Variants in EPSTI1 observed in about 807,000 individuals in gnomAD.
EPSTI1 encodes epithelial-stromal interaction protein 1.
In EPSTI1, 66 loss-of-function variants were observed where a neutral mutation model predicts 49.9. The observed-to-expected ratio is 1.32, with a 90% confidence interval of 1.08 to 1.62. EPSTI1 has a LOEUF of 1.62. Ranked by LOEUF, EPSTI1 falls within the 40% of genes most tolerant of loss-of-function variation. The pLI, the probability that EPSTI1 is intolerant of heterozygous loss-of-function variation, is 0.00. For synonymous variants in EPSTI1, 137 were observed against 130.7 expected, an observed-to-expected ratio of 1.05 and a Z score of -0.33; for missense variants, 394 against 365.5, an observed-to-expected ratio of 1.08 and a Z score of -0.64.
Position 42,949,986 on chromosome 13 carries a change from G to A in EPSTI1, c.563+3962C>T, listed in dbSNP as rs533042880. On this transcript the variant is annotated intron_variant, in intron 6 of 10. Transcript: ENST00000313624. ...AAAGGCTTATCAACTGTTACTTCAC[G>A]TCTTCCATCTAATAGAAAAGTCCAC... Among the ~76,000 whole-genome samples, 239 of 152,084 alleles carry A rather than the reference G, an allele frequency of 1.6e-3. 1 individual carries two copies. The highest frequency in any genetic ancestry group is 3.4e-3 in the Middle Eastern group (1 of 294).
intron 6 of EPSTI1, among the ~76,000 whole-genome samples, chr13:42,942,978 G>A (rs1053802072): frequency 6.6e-6 from 1 of 152,084 alleles, no homozygotes; most frequent in African/African-American, 2.4e-5. Flanking sequence ...GTGAGCCACC[G>A]CGCCCAGCCC....
chr13:42,917,298 A>G (rs1282985345), intron 8 of EPSTI1, among the ~76,000 whole-genome samples: 1 of 152,132 alleles, frequency 6.6e-6, no homozygotes, highest in Non-Finnish European at 1.5e-5. Context: ...TTGGTGACCT[A>G]CTGGCACCAA....
At chr13:42,931,760 T>C (rs1258664750) in intron 6 of EPSTI1, among the ~76,000 whole-genome samples, 1 of 152,202 alleles carries the variant, frequency 6.6e-6, no homozygotes, top group African/African-American at 2.4e-5. Context: ...TATAAATATA[T>C]ATCTTATTCC....
intron 8 of EPSTI1, among the ~76,000 whole-genome samples, chr13:42,912,224 A>G (rs2037707908): frequency 6.6e-6 from 1 of 152,244 alleles, no homozygotes; most frequent in African/African-American, 2.4e-5. Context: ...ATTGGAGCTA[A>G]GTCCACCTGC....
intron 8 of EPSTI1, among the ~76,000 whole-genome samples, chr13:42,906,256 C>T (rs2037495901): frequency 6.7e-6 from 1 of 150,020 alleles, no homozygotes. Context: ...CCCTGTTCTA[C>T]AGAAGGGTCA....
At chr13:42,911,048 C>T (rs956296133) in intron 8 of EPSTI1, among the ~76,000 whole-genome samples, 1 of 152,188 alleles carries the variant, frequency 6.6e-6, no homozygotes, top group Admixed American at 6.5e-5. Context: ...CATGACCTAT[C>T]CTATTGCAGT....
At chr13:42,946,866 C>T (rs890739814) in intron 6 of EPSTI1, among the ~76,000 whole-genome samples, 1 of 152,204 alleles carries the variant, frequency 6.6e-6, no homozygotes, top group Admixed American at 6.5e-5. Flanking sequence ...GGGTTACATG[C>T]TCCTTATGAG....
intron 8 of EPSTI1, among the ~76,000 whole-genome samples, chr13:42,908,568 C>G (rs1430845903): frequency 1.3e-5 from 2 of 149,484 alleles, no homozygotes; most frequent in Non-Finnish European, 3.0e-5. Context: ...TTGGATAAGA[C>G]TTTAAAAGGA....
chr13:42,893,303 G>C (rs2037092836), intron 10 of EPSTI1, among the ~76,000 whole-genome samples: 1 of 152,144 alleles, frequency 6.6e-6, no homozygotes, highest in African/African-American at 2.4e-5. Flanking sequence ...AGAGGAGAGA[G>C]TATTATTAGA....
Position 42,989,152 on chromosome 13 carries a change from C to A in EPSTI1, c.188+2826G>T, listed in dbSNP as rs998886786. ...CTGAGGTTACAGGCACAAGCCCCTGCGCCCGACCACAAGTAGGTGTTTTAA... is the reference window on the plus strand; with the variant it reads ...CTGAGGTTACAGGCACAAGCCCCTGAGCCCGACCACAAGTAGGTGTTTTAA... On this transcript the variant is annotated intron_variant, in intron 1 of 10. Transcript: ENST00000313624. 7.7e-4 allele frequency among the ~76,000 whole-genome samples: 116 copies of A among 150,952 alleles called. 1 individual carries two copies. Among genetic ancestry groups the A allele is most frequent in the Non-Finnish European group, 2.4e-4 (16 of 67,922 alleles).
intron 9 of EPSTI1, among the ~76,000 whole-genome samples, chr13:42,896,926 C>A (rs112793457): frequency 0.062 from 9,463 of 152,038 alleles, 370 homozygotes; most frequent in South Asian, 0.088. Flanking sequence ...CTGGCAAAAC[C>A]TCATCTCTAC....
intron 6 of EPSTI1, among the ~76,000 whole-genome samples, chr13:42,932,504 C>G (rs1340706236): frequency 1.3e-5 from 2 of 152,042 alleles, no homozygotes; most frequent in African/African-American, 4.8e-5. Flanking sequence ...GCCTTCCAAA[C>G]CTTTCCAAGG....
At position 42,992,040 on chromosome 13, in the gene EPSTI1, C is replaced by G; in HGVS notation, c.126G>C (p.Glu42Asp). The G allele has an allele frequency of 1.2e-6, 2 of 1,613,530 alleles. No homozygotes were observed. The highest frequency in any genetic ancestry group is 1.6e-4 in the Middle Eastern group (1 of 6,062). ...GELSPVEDQREGLEAAPKGPS... is the reference protein window; with the variant it reads ...GELSPVEDQRDGLEAAPKGPS... ...GGCCCTTAGGGGCTGCCTCCAAACC[C>G]TCTCTCTGGTCTTCCACGGGGCTCA... Residue 42 changes from glutamate to aspartate, a missense_variant, in exon 1 of 11, where the codon GAG (glutamate) becomes GAC (aspartate). By Grantham distance (45) the Glu-to-Asp change is conservative (BLOSUM62 2). Coordinates refer to ENST00000313624, the MANE Select transcript of EPSTI1 (RefSeq NM_033255.5).
rs150060203 is a variant in EPSTI1, at chr13:42,903,185, C to CAT, written c.742-2804_742-2803dup. On this transcript the variant is annotated intron_variant, in intron 8 of 10. Coordinates refer to ENST00000313624, the MANE Select transcript of EPSTI1 (RefSeq NM_033255.5). ...AGACAAAAAAAGTATAAAATACATA[C>CAT]ATATATATATATGCATACTATGACA... is the stretch of plus-strand genomic sequence containing the variant. Among the ~76,000 whole-genome samples the CAT allele has an allele frequency of 2.6e-3, 388 of 150,350 alleles. 3 individuals are homozygous for CAT. The highest frequency in any genetic ancestry group is 8.1e-3 in the African/African-American group (333 of 41,044).
chr13:42,930,284 G>T (rs769427704), intron 6 of EPSTI1, among the ~76,000 whole-genome samples: 1 of 152,164 alleles, frequency 6.6e-6, no homozygotes, highest in African/African-American at 2.4e-5. Flanking sequence ...GTTTAGGTAA[G>T]TAATCATTCG....
chr13:42,964,662 T>C (rs747822983), intron 3 of EPSTI1, among the ~76,000 whole-genome samples: 5 of 152,230 alleles, frequency 3.3e-5, no homozygotes, highest in Non-Finnish European at 7.3e-5. Context: ...TTTCTAAAAA[T>C]ACAATGGGAA....
intron 6 of EPSTI1, among the ~76,000 whole-genome samples, chr13:42,941,511 G>C (rs868320071): frequency 6.6e-6 from 1 of 151,432 alleles, no homozygotes; most frequent in Non-Finnish European, 1.5e-5. Context: ...GTCCCCCTAC[G>C]TGGGAGGCTG....
intron 6 of EPSTI1, among the ~76,000 whole-genome samples, chr13:42,929,985 A>G (rs1238551804): frequency 1.3e-5 from 2 of 152,212 alleles, no homozygotes; most frequent in Non-Finnish European, 2.9e-5. Context: ...TACTGGACTC[A>G]GGCCTCTGAC....
At chr13:42,952,725 A>G (rs1318866040) in intron 6 of EPSTI1, among the ~76,000 whole-genome samples, 3 of 152,170 alleles carry the variant, frequency 2.0e-5, no homozygotes, top group Non-Finnish European at 4.4e-5. Context: ...CTTTCATCCT[A>G]CCCCATACCA....
Sources: allele counts gnomAD v4.1 joint callset (sites outside exome capture counted in the v4.1 genomes callset), GRCh38; gene constraint gnomAD v4.1.1; transcripts MANE v1.5; gene names NCBI Gene and HGNC (gene_info 2026-07-23, HGNC 2026-07-21).